The following UPF3B variants were observed in gnomAD, a reference collection of about 807,000 sequenced individuals.
UPF3B encodes UPF3B regulator of nonsense mediated mRNA decay.
Under a neutral mutation model 40.3 loss-of-function variants are expected in UPF3B, and 7 were observed. The ratio of observed to expected loss-of-function variants is 0.17; its 90% CI spans 0.10 to 0.33. UPF3B has a LOEUF of 0.33. Among genes scored for constraint, UPF3B ranks in the 10% least tolerant of loss-of-function variants. The probability of loss-of-function intolerance (pLI) is 1.00; values close to 1 mark genes in which losing one functional copy is unlikely to be tolerated. For synonymous variants in UPF3B, 117 were observed against 117.3 expected, an observed-to-expected ratio of 1.00 and a Z score of 0.01; for missense variants, 229 against 358.9, an observed-to-expected ratio of 0.64 and a Z score of 2.93.
At chrX:119,829,476 A>G (rs1378773539), downstream of UPF3B, among the ~76,000 whole-genome samples, 7 of 111,997 alleles carry the variant, frequency 6.3e-5, no homozygotes, top group African/African-American at 2.3e-4. Context: ...TCCCTGTCCC[A>G]TAATTGTAGG....
Position 119,834,628 on chromosome X carries a change from T to C in UPF3B, c.*250A>G. 9.5e-7 allele frequency: 1 copy of C among 1,047,906 alleles called. No homozygotes were observed. The highest frequency in any genetic ancestry group is 1.2e-6 in the Non-Finnish European group (1 of 817,898). 86.4% of individuals were successfully genotyped at this position (1,047,906 alleles called of 1,213,427 possible). On this transcript the variant is annotated 3_prime_UTR_variant, in exon 11 of 11. Transcript: ENST00000276201. ...CCCCTGCAAATTGCAATGCATGTCC[T>C]TGCCGTCACCTTTTTCTGACACTTT...
intron 3 of UPF3B, among the ~76,000 whole-genome samples, chrX:119,823,556 C>T (rs2055944963): frequency 1.9e-4 from 8 of 42,090 alleles, no homozygotes; most frequent in African/African-American, 3.8e-4. Context: ...TCTTTTTTTC[C>T]TCTTTTTTTT....
At position 119,852,809 on chromosome X, in the gene UPF3B, C is replaced by T. The variant is rs751449240; in HGVS notation, c.120G>A (p.Gln40=). Residue 40 remains glutamine, a synonymous_variant, in exon 1 of 11, where the codon CAG becomes CAA. Coordinates refer to ENST00000276201, the MANE Select transcript of UPF3B (RefSeq NM_080632.3). ...SGDSSKGEDK[Q]DRNKEKKEAL... is the part of the protein sequence containing the mutation. ...CTTCTTTCTTCTCCTTGTTGCGATC[C>T]TGCTTATCTTCCCCCTTGGAGCTGT... is the stretch of plus-strand genomic sequence containing the variant. 5.0e-6 allele frequency: 6 copies of T among 1,211,479 alleles called. No homozygotes were observed. The highest frequency in any genetic ancestry group is 2.2e-5 in the Admixed American group (1 of 45,990).
chrX:119,843,021 A>G (rs143331837), intron 5 of UPF3B, among the ~76,000 whole-genome samples, 170 bp downstream of exon 5: 34 of 112,003 alleles, frequency 3.0e-4, no homozygotes, highest in African/African-American at 1.1e-3. Context: ...TTCCCACTTT[A>G]ATGGATTCTC....
At position 119,815,284 on chromosome X, in the gene UPF3B, G is replaced by T; in HGVS notation, c.519C>A (p.Tyr173Ter). Residue 173 changes from tyrosine (Y) to a stop codon, truncating the protein, a stop_gained, in exon 5 of 7, where the codon TAC (tyrosine) becomes TAA (stop). Transcript: ENST00000636792. LOFTEE classifies it high-confidence loss of function. ...GACCTTGGCTTCGAGCTCCTGGATGGTAACGCTGCATCCCTGGATGATTCT... is the reference window on the plus strand; with the variant it reads ...GACCTTGGCTTCGAGCTCCTGGATGTTAACGCTGCATCCCTGGATGATTCT... 1.3e-6 allele frequency: 1 copy of T among 786,154 alleles called. No homozygotes were observed. Among genetic ancestry groups the T allele is most frequent in the Non-Finnish European group, 1.5e-6 (1 of 653,397 alleles). The allele number at this position is 786,154 out of a possible 1,213,427, so 64.8% of individuals were successfully genotyped here.
Position 119,842,227 on chromosome X carries a change from T to C in UPF3B, c.581-449A>G, listed in dbSNP as rs140876805. The stretch of plus-strand genomic sequence containing the variant: ...TCCATCTATTAATAAAAGTCAAGTT[T>C]TGGAAGAATATTTTTCATTTTCAAC... On this transcript the variant is annotated intron_variant, in intron 5 of 10. Coordinates refer to ENST00000276201, the MANE Select transcript of UPF3B (RefSeq NM_080632.3). Among the ~76,000 whole-genome samples, 45 of 111,573 alleles carry C rather than the reference T, an allele frequency of 4.0e-4. No homozygotes were observed. The East Asian group carries it at 0.011, about 27-fold the overall frequency.
chrX:119,837,634 AAG>A, intron 10 of UPF3B, 121 bp downstream of exon 10: 2 of 738,795 alleles, frequency 2.7e-6, no homozygotes, highest in Non-Finnish European at 3.9e-6. Flanking sequence ...AAAAAAAAAA[AAG>A]TTGCAGATGA....
At chrX:119,806,813 G>T (rs1329317951) in intron 6 of UPF3B, among the ~76,000 whole-genome samples, 3 of 109,781 alleles carry the variant, frequency 2.7e-5, no homozygotes, top group Non-Finnish European at 5.7e-5. Context: ...GGAATCACCT[G>T]AGGTCAGGAG....
chrX:119,821,386 C>T (rs2055917273), intron 4 of UPF3B, among the ~76,000 whole-genome samples: 1 of 113,088 alleles, frequency 8.8e-6, no homozygotes, highest in Non-Finnish European at 1.9e-5. Flanking sequence ...GAACCATGAA[C>T]TGATCTTTCT....
downstream of UPF3B, among the ~76,000 whole-genome samples, chrX:119,829,166 C>T (rs906886793): frequency 8.9e-6 from 1 of 111,771 alleles, no homozygotes; most frequent in East Asian, 2.8e-4. Context: ...GGACTACAGG[C>T]GTGCGCCATC....
rs2056066900 is a variant in UPF3B at position 119,834,229 on chromosome X, G to A, written c.*649C>T. 1.3e-6 allele frequency: 1 copy of A among 752,959 alleles called. No homozygotes were observed. Among genetic ancestry groups the A allele is most frequent in the East Asian group, 1.5e-4 (1 of 6,638 alleles). The allele number at this position is 752,959 out of a possible 1,213,427, so 62.1% of individuals were successfully genotyped here. On this transcript the variant is annotated 3_prime_UTR_variant, in exon 11 of 11. Coordinates refer to ENST00000276201, the MANE Select transcript of UPF3B (RefSeq NM_080632.3). ...ACCTCTTAATAGAAAAGATGCTGAT[G>A]ACAAAACACGAAGTTTAAAAATATT...
At chrX:119,831,804 G>T, downstream of UPF3B, 1 of 530,635 alleles carries the variant, frequency 1.9e-6, no homozygotes, top group Non-Finnish European at 2.3e-6. Flanking sequence ...ATGCTACTAA[G>T]CTTTTACATG....
rs952887918 is a variant in UPF3B, at chrX:119,852,721, C to T, written c.156+52G>A. 9.9e-6 allele frequency: 12 copies of T among 1,208,828 alleles called. No individual in the cohort carries two copies. In the African/African-American group the frequency reaches 1.9e-4, roughly 19 times the overall value. The stretch of plus-strand genomic sequence containing the variant: ...GCAGCCCCATTCCCAGCCATCCTCC[C>T]CGCGCTGCGGACTCGTCCCGCCCTC... On this transcript the variant is annotated intron_variant, in intron 1 of 10. Coordinates refer to ENST00000276201, the MANE Select transcript of UPF3B (RefSeq NM_080632.3).
chrX:119,831,813 T>C (rs756991808), downstream of UPF3B: 106 of 492,834 alleles, frequency 2.2e-4, no homozygotes, highest in African/African-American at 2.4e-3. Context: ...AGCTTTTACA[T>C]GGGATTTTCT....
At chrX:119,819,947 C>T (rs1389290133) in intron 4 of UPF3B, among the ~76,000 whole-genome samples, 3 of 100,635 alleles carry the variant, frequency 3.0e-5, no homozygotes, top group East Asian at 3.4e-4. Flanking sequence ...TGGGTTCAAA[C>T]GATTCTCTAG....
At chrX:119,835,539 G>C (rs2056082191) in intron 10 of UPF3B, among the ~76,000 whole-genome samples, 1 of 111,999 alleles carries the variant, frequency 8.9e-6, no homozygotes, top group Non-Finnish European at 1.9e-5. Context: ...CAGGCCCTAA[G>C]TGCCAGTTTT....
intron 5 of UPF3B, among the ~76,000 whole-genome samples, chrX:119,810,383 G>C (rs988414391): frequency 2.7e-5 from 3 of 112,276 alleles, no homozygotes; most frequent in African/African-American, 9.7e-5. Context: ...TATTGGGAAA[G>C]TGTAACAGGA....
At chrX:119,835,680 GAAATTGTTTAGATTA>G (rs936398123) in intron 10 of UPF3B, among the ~76,000 whole-genome samples, 3 of 112,470 alleles carry the variant, frequency 2.7e-5, no homozygotes, top group South Asian at 3.6e-4. Context: ...AAGAGAAGGG[GAAATTGTTTAGATTA>G]AAAGAAAACT....
chrX:119,847,775 TAATAA>T (rs199649684), intron 3 of UPF3B, among the ~76,000 whole-genome samples: 4,674 of 109,144 alleles, frequency 0.043, 269 homozygotes, highest in African/African-American at 0.14. Context: ...AATAAATAAA[TAATAA>T]AATAAAAATA....
Sources: gnomAD v4.1 joint callset for allele counts (sites outside exome capture counted in the v4.1 genomes callset) on GRCh38, gnomAD v4.1.1 for gene constraint, MANE v1.5 for transcripts, NCBI Gene and HGNC (gene_info 2026-07-23, HGNC 2026-07-21) for gene names.